MYO7A: variants seen among roughly 807,000 people sequenced by gnomAD.
MYO7A encodes the protein myosin VIIA, also known as unconventional myosin-VIIa.
MYO7A carries 210 observed loss-of-function variants against 263.8 expected under a neutral mutation model. The ratio of observed to expected loss-of-function variants is 0.80; its 90% CI spans 0.71 to 0.89. The LOEUF (loss-of-function observed/expected upper bound fraction) is 0.89. Among genes scored for constraint, MYO7A ranks in the 40% least tolerant of loss-of-function variants. The pLI is 0.00. For synonymous variants in MYO7A, 1,239 were observed against 1,197.3 expected (o/e 1.03, Z -0.72); for missense variants, 2,820 against 2,968.3 (o/e 0.95, Z 1.16).
At position 77,203,061 on chromosome 11, in the gene MYO7A, C is replaced by A. The variant is rs762086113; in HGVS notation, c.5170C>A (p.Pro1724Thr). ...CTGACGGTCCCTGTGCTGCGGCAGG[C>A]CCCCACCCAAGCACACGCTGAGCCG... ...LEEFSYDYFR[P>T]PPKHTLSRVM... The change falls in exon 38 of 49, where the codon CCC becomes ACC. Residue 1724 changes from proline (P) to threonine (T), a missense_variant and splice_region_variant. Physicochemically the swap from Pro to Thr is conservative, Grantham distance 38. Coordinates refer to ENST00000409709, the MANE Select transcript of MYO7A (RefSeq NM_000260.4). 2 of 1,547,362 alleles carry A rather than the reference C, an allele frequency of 1.3e-6. No individual in the cohort carries two copies. Among genetic ancestry groups the A allele is most frequent in the Admixed American group, 2.0e-5 (1 of 50,962 alleles).
chr11:77,178,828 G>A (rs1183631439), intron 19 of MYO7A, among the ~76,000 whole-genome samples: 1 of 152,110 alleles, frequency 6.6e-6, no homozygotes, highest in African/African-American at 2.4e-5. Flanking sequence ...CTACCTTCAT[G>A]GGCTTATGTG....
At chr11:77,199,452 C>G (rs868439794) in intron 34 of MYO7A, 83 bp from the exon 35 acceptor site, 1 of 1,381,760 alleles carries the variant, frequency 7.2e-7, no homozygotes, top group Non-Finnish European at 9.5e-7. Flanking sequence ...CCAGCTCTGA[C>G]TTAGCCTGAG....
In MYO7A at chr11:77,200,383, A is replaced by G. The variant is rs1956985562; in HGVS notation, c.4852+565A>G. Among the ~76,000 whole-genome samples the G allele has an allele frequency of 2.6e-5, 4 of 152,328 alleles. No homozygotes were observed. The South Asian group carries it at 8.3e-4, about 32-fold the overall frequency. On this transcript the variant is annotated intron_variant, in intron 35 of 48. Coordinates refer to ENST00000409709, the MANE Select transcript of MYO7A (RefSeq NM_000260.4). ...CAGAAGGAGAAGGGGTGCCTGCATC[A>G]GAAGGAAGGAAGAGAGCAGGGGGTG...
Position 77,208,419 on chromosome 11 carries a change from CCT to C in MYO7A, c.5857-10_5857-9del. The C allele has an allele frequency of 6.2e-7, 1 of 1,601,404 alleles. No homozygotes were observed. The highest frequency in any genetic ancestry group is 8.6e-7 in the Non-Finnish European group (1 of 1,169,436). On this transcript the variant is annotated splice_polypyrimidine_tract_variant and intron_variant, in intron 42 of 48. Coordinates refer to ENST00000409709, the MANE Select transcript of MYO7A (RefSeq NM_000260.4). ...CTTAAACTGAGTGTGCTTCGATGGCCCTGACCCCAGGTCCTCAGCGTTCCTGA... is the reference window on the plus strand; with the variant it reads ...CTTAAACTGAGTGTGCTTCGATGGCCGACCCCAGGTCCTCAGCGTTCCTGA...
At position 77,162,876 on chromosome 11, in the gene MYO7A, C is replaced by G. The variant is rs1179263079; in HGVS notation, c.1578C>G (p.His526Gln). 6.2e-7 allele frequency: 1 copy of G among 1,613,828 alleles called. No homozygotes were observed. Among genetic ancestry groups the G allele is most frequent in the African/African-American group, 1.3e-5 (1 of 74,984 alleles). Reference protein sequence around the residue: ...FPKGTDTTMLHKLNSQHKLNA... With the variant: ...FPKGTDTTMLQKLNSQHKLNA... ...AGGGCACAGACACCACCATGTTACA[C>G]AAGCTGAACTCCCAGCACAAGCTCA... is the stretch of plus-strand genomic sequence containing the variant. The change falls in exon 14 of 49, where the codon CAC becomes CAG. Residue 526 changes from histidine to glutamine, a missense_variant. Transcript: ENST00000409709.
At chr11:77,165,931 C>G in intron 14 of MYO7A, 125 bp from the exon 15 acceptor site, 1 of 543,376 alleles carries the variant, frequency 1.8e-6, no homozygotes, top group Non-Finnish European at 3.1e-6. Flanking sequence ...GGCCTCAGGG[C>G]CCCCGTCATG....
chr11:77,193,588 ATGG>A (rs1956405321), intron 31 of MYO7A, among the ~76,000 whole-genome samples: 1 of 150,630 alleles, frequency 6.6e-6, no homozygotes, highest in Non-Finnish European at 1.5e-5. Flanking sequence ...GGTGATGATA[ATGG>A]TGGTATTGGT....
intron 30 of MYO7A, 79 bp downstream of exon 30, chr11:77,190,949 T>G: frequency 7.1e-7 from 1 of 1,415,714 alleles, no homozygotes; most frequent in South Asian, 1.4e-5. Context: ...TGCCACCTAC[T>G]TGCCGGGGCT....
At chr11:77,156,120 C>G in intron 5 of MYO7A, 29 bp downstream of exon 5, 4 of 1,610,030 alleles carry the variant, frequency 2.5e-6, no homozygotes, top group Non-Finnish European at 3.4e-6. Flanking sequence ...GTGTGGAGCT[C>G]CAGGCTTAGG....
intron 2 of MYO7A, chr11:77,139,630 T>C (rs537910658): frequency 2.0e-5 from 3 of 152,270 alleles, no homozygotes; most frequent in African/African-American, 7.2e-5. Flanking sequence ...TGGTTCCCCA[T>C]TCTCACCTCC....
In MYO7A at chr11:77,194,531, G is replaced by A. The variant is rs1956497662; in HGVS notation, c.4323+7G>A. The A allele has an allele frequency of 6.3e-7, 1 of 1,587,008 alleles. No individual in the cohort carries two copies. The highest frequency in any genetic ancestry group is 1.3e-5 in the African/African-American group (1 of 74,298). On this transcript the variant is annotated splice_region_variant and intron_variant, in intron 32 of 48. Transcript: ENST00000409709. ...CATCGCCGCCCACAAGAAGGTAGAAGGGCTGAGAGGAGTCCTAGAGAAGGG... is the reference window on the plus strand; with the variant it reads ...CATCGCCGCCCACAAGAAGGTAGAAAGGCTGAGAGGAGTCCTAGAGAAGGG...
rs782384986 is a variant in MYO7A, at chr11:77,163,016, C to G, written c.1690+28C>G. 24 of 1,610,820 alleles carry G rather than the reference C, an allele frequency of 1.5e-5. No homozygotes were observed. The South Asian group carries it at 2.6e-4, about 18-fold the overall frequency. ...ACAGAGGGCTGCCGGCTGTCTGTCACTCCCTGCCCGTGGCCCTGCCTTCCC... is the reference window on the plus strand; with the variant it reads ...ACAGAGGGCTGCCGGCTGTCTGTCAGTCCCTGCCCGTGGCCCTGCCTTCCC... On this transcript the variant is annotated intron_variant, in intron 14 of 48. Coordinates refer to ENST00000409709, the MANE Select transcript of MYO7A (RefSeq NM_000260.4).
chr11:77,184,698 C>T lies in MYO7A; in HGVS notation c.3486C>T (p.Ile1162=). 1 of 1,600,338 alleles carries T rather than the reference C, an allele frequency of 6.2e-7. No individual in the cohort carries two copies. Among genetic ancestry groups the T allele is most frequent in the African/African-American group, 1.3e-5 (1 of 74,818 alleles). The change falls in exon 27 of 49, where the codon ATC becomes ATT. Residue 1162 remains isoleucine (I), a synonymous_variant. Coordinates refer to ENST00000409709, the MANE Select transcript of MYO7A (RefSeq NM_000260.4). ...EKLHFIIGNG[I]LRPALRDEIY... ...TGCACTTCATCATCGGCAATGGCAT[C>T]CTGCGGCCAGCACTCCGGTCAGTGC...
At chr11:77,180,893 G>T (rs573758678) in intron 22 of MYO7A, among the ~76,000 whole-genome samples, 1 of 152,300 alleles carries the variant, frequency 6.6e-6, no homozygotes, top group Admixed American at 6.5e-5. Flanking sequence ...TGAAGATTTG[G>T]TGGGGGAAAA....
chr11:77,174,301 C>A (rs1954412548), intron 16 of MYO7A, among the ~76,000 whole-genome samples: 2 of 152,178 alleles, frequency 1.3e-5, no homozygotes, highest in African/African-American at 4.8e-5. Flanking sequence ...GAAAGGTCCT[C>A]CCTGGGGCTG....
chr11:77,201,934 C>T (rs1957089022), intron 36 of MYO7A, among the ~76,000 whole-genome samples: 2 of 152,090 alleles, frequency 1.3e-5, no homozygotes, highest in Admixed American at 1.3e-4. Flanking sequence ...GGGAAGGGGG[C>T]CCTGCTTCTT....
chr11:77,168,956 C>A (rs1555074321), intron 15 of MYO7A, among the ~76,000 whole-genome samples: 1 of 152,138 alleles, frequency 6.6e-6, no homozygotes, highest in African/African-American at 2.4e-5. Flanking sequence ...TTTTCCAAGT[C>A]CCTGCTTTTT....
intron 2 of MYO7A, 70 bp downstream of exon 2, chr11:77,130,722 G>C (rs1033987411): frequency 6.5e-7 from 1 of 1,544,750 alleles, no homozygotes; most frequent in South Asian, 1.2e-5. Context: ...ATGCTTACCC[G>C]TGGGACACCC....
At position 77,199,715 on chromosome 11, in the gene MYO7A, C is replaced by G. The variant is rs1055688702; in HGVS notation, c.4749C>G (p.Thr1583=). Reference sequence around the variant, plus strand: ...TCAAGGGGGACGAATACACCTTCACCTCCAGCAATGCTGAGGACATTCGTG... The same window carrying G: ...TCAAGGGGGACGAATACACCTTCACGTCCAGCAATGCTGAGGACATTCGTG... ...ATIKGDEYTF[T]SSNAEDIRDL... is the part of the protein sequence containing the mutation. Residue 1583 remains threonine, a synonymous_variant, in exon 35 of 49, where the codon ACC becomes ACG. Transcript: ENST00000409709. 3 of 1,613,746 alleles carry G rather than the reference C, an allele frequency of 1.9e-6. No individual in the cohort carries two copies. Among genetic ancestry groups the G allele is most frequent in the Non-Finnish European group, 2.5e-6 (3 of 1,179,850 alleles).
Sources: gnomAD v4.1 joint callset for allele counts (sites outside exome capture counted in the v4.1 genomes callset) on GRCh38, gnomAD v4.1.1 for gene constraint, MANE v1.5 for transcripts, NCBI Gene and HGNC (gene_info 2026-07-23, HGNC 2026-07-21) for gene names.